Variants in MS4A18 observed in about 807,000 individuals in gnomAD.
MS4A18 encodes membrane spanning 4-domains A18.
Under a neutral mutation model 13.1 loss-of-function variants are expected in MS4A18, and 27 were observed. The ratio of observed to expected loss-of-function variants is 2.06; its 90% CI spans 1.52 to 2.84. The LOEUF (loss-of-function observed/expected upper bound fraction) is 2.84. Among genes scored for constraint, MS4A18 ranks in the 30% most tolerant of loss-of-function variants. The probability of loss-of-function intolerance (pLI) is 0.00; values close to 1 mark genes in which losing one functional copy is unlikely to be tolerated. For missense variants in MS4A18, 307 were observed against 196.4 expected, an observed-to-expected ratio of 1.56 and a Z score of -3.37; for synonymous variants, 126 against 76.5, an observed-to-expected ratio of 1.65 and a Z score of -3.38.
exon 2 of MS4A18, chr11:60,733,591 T>C (rs1184061755): frequency 1.4e-6 from 1 of 703,608 alleles, no homozygotes; most frequent in African/African-American, 1.7e-5. Flanking sequence ...CCCTGTGCTG[T>C]ATTACTATCC....
chr11:60,728,680 C>A (rs997584698), upstream of MS4A18, among the ~76,000 whole-genome samples: 1 of 151,806 alleles, frequency 6.6e-6, no homozygotes, highest in African/African-American at 2.4e-5. Context: ...CCTTCCCTCT[C>A]GCTCTCTCTT....
At chr11:60,743,677 A>G (rs1188381107) in exon 6 of MS4A18, 1 of 702,980 alleles carries the variant, frequency 1.4e-6, no homozygotes, top group Admixed American at 2.0e-5. Flanking sequence ...AACCGTATTC[A>G]GTTTCAACCC....
intron 4 of MS4A18, among the ~76,000 whole-genome samples, chr11:60,740,486 C>A (rs1853399193): frequency 2.0e-5 from 3 of 152,182 alleles, no homozygotes; most frequent in Admixed American, 2.0e-4. Context: ...AAGCCAGGAG[C>A]CAGACAGAGC....
chr11:60,739,623 G>A (rs1440168882), intron 4 of MS4A18, among the ~76,000 whole-genome samples: 2 of 152,140 alleles, frequency 1.3e-5, no homozygotes, highest in Non-Finnish European at 2.9e-5. Context: ...TGGAGTGAGG[G>A]TGTATTTATC....
upstream of MS4A18, among the ~76,000 whole-genome samples, chr11:60,729,029 G>A (rs1853209136): frequency 6.6e-6 from 1 of 152,168 alleles, no homozygotes; most frequent in African/African-American, 2.4e-5. Context: ...AGATTAAAAT[G>A]CCAACTGCAG....
At chr11:60,735,780 C>T (rs1450461377) in intron 2 of MS4A18, among the ~76,000 whole-genome samples, 1 of 150,278 alleles carries the variant, frequency 6.7e-6, no homozygotes, top group Non-Finnish European at 1.5e-5. Context: ...TGTCCTGCCT[C>T]AGCCTCCTGA....
Position 60,743,925 on chromosome 11 carries a change from A to G in MS4A18, c.1134A>G (p.Lys378=), listed in dbSNP as rs762496274. The G allele has an allele frequency of 3.0e-4, 208 of 703,038 alleles. No homozygotes were observed. The African/African-American group carries it at 3.0e-3, about 10-fold the overall frequency. 43.5% of individuals were successfully genotyped at this position (703,038 alleles called of 1,614,324 possible). Residue 378 remains lysine, a synonymous_variant, in exon 6 of 6, where the codon AAA becomes AAG. Transcript: ENST00000529108. ...TTAACACTACCACTGCCCCTGCCAA[A>G]GCTACCACCAGTTGTGTCAATGCTA...
In MS4A18 at chr11:60,743,326, G is replaced by C. The variant is rs183700695; in HGVS notation, c.859-324G>C. On this transcript the variant is annotated intron_variant, in intron 5 of 5. Transcript: ENST00000529108. The stretch of plus-strand genomic sequence containing the variant: ...CCTGGTGGCTGGATAGTATTGGGCA[G>C]TCCCACATGGGTGTCTGGCTCTTTG... Among the ~76,000 whole-genome samples the C allele has an allele frequency of 7.2e-5, 11 of 152,364 alleles. No individual in the cohort carries two copies. In the East Asian group the frequency reaches 1.7e-3, roughly 24 times the overall value.
chr11:60,726,717 C>CCTTTATTTTA (rs1853166090), upstream of MS4A18, among the ~76,000 whole-genome samples: 1 of 124,910 alleles, frequency 8.0e-6, no homozygotes, highest in African/African-American at 3.1e-5. Flanking sequence ...TGGGGTAACA[C>CCTTTATTTTA]TTTTATTTTA....
chr11:60,740,202 C>T (rs1317006176), intron 4 of MS4A18, among the ~76,000 whole-genome samples: 1 of 152,202 alleles, frequency 6.6e-6, no homozygotes, highest in Non-Finnish European at 1.5e-5. Flanking sequence ...CATACTAGTG[C>T]AGTGTAGCAC....
exon 1 of MS4A18, chr11:60,729,672 T>G (rs117250730): frequency 0.025 from 17,269 of 702,734 alleles, 306 homozygotes; most frequent in Middle Eastern, 0.038. Flanking sequence ...ATCCTCTGAA[T>G]GCTAACCCTG....
At chr11:60,725,414 T>G (rs1853140403), upstream of MS4A18, among the ~76,000 whole-genome samples, 1 of 152,168 alleles carries the variant, frequency 6.6e-6, no homozygotes, top group African/African-American at 2.4e-5. Flanking sequence ...CAGGATGGTC[T>G]CGATCTCCTG....
intron 1 of MS4A18, 29 bp downstream of exon 2, chr11:60,729,815 T>C: frequency 1.5e-6 from 1 of 672,158 alleles, no homozygotes; most frequent in Non-Finnish European, 2.7e-6. Flanking sequence ...TCTCTCCGAT[T>C]TGGGTCACTT....
downstream of MS4A18, chr11:60,744,265 G>A: frequency 2.5e-6 from 1 of 405,316 alleles, no homozygotes; most frequent in Non-Finnish European, 4.5e-6. Flanking sequence ...TTGGTTCCGT[G>A]GTTCCTGATG....
chr11:60,738,220 G>A (rs1291747806), intron 3 of MS4A18, among the ~76,000 whole-genome samples: 1 of 152,170 alleles, frequency 6.6e-6, no homozygotes, highest in Non-Finnish European at 1.5e-5. Flanking sequence ...TTGAGTAGGG[G>A]ATGGATAATG....
In MS4A18 at chr11:60,733,659, G is replaced by A. The variant is rs748915588; in HGVS notation, c.591+12G>A. ...GGGGAGGATTATCCGTGAGTACAAG[G>A]CCATATGGTCTCCTTCCTGGGTCAC... On this transcript the variant is annotated intron_variant, in intron 2 of 5. Coordinates refer to ENST00000529108, the Ensembl canonical transcript of MS4A18. 3 of 703,412 alleles carry A rather than the reference G, an allele frequency of 4.3e-6. No homozygotes were observed. In the Admixed American group the frequency reaches 6.0e-5, roughly 14 times the overall value. The allele number at this position is 703,412 out of a possible 1,614,324, so 43.6% of individuals were successfully genotyped here. A position where few individuals can be genotyped will look rare whatever the true frequency, so the allele number is the denominator to read the frequency against.
At chr11:60,729,810 C>G (rs1228602322) in intron 1 of MS4A18, 24 bp downstream of exon 2, 1 of 674,806 alleles carries the variant, frequency 1.5e-6, no homozygotes. Flanking sequence ...CTCCTTCTCT[C>G]CGATTTGGGT....
chr11:60,728,404 ATG>A (rs150038728), upstream of MS4A18, among the ~76,000 whole-genome samples: 21,846 of 143,258 alleles, frequency 0.15, 1,526 homozygotes, highest in East Asian at 0.18. Context: ...GTGTGTATGT[ATG>A]TGTGTGTGTG....
chr11:60,744,216 C>T (rs1853453856), downstream of MS4A18: 9 of 537,480 alleles, frequency 1.7e-5, no homozygotes, highest in Admixed American at 2.7e-4. Context: ...TCCTTTGGCT[C>T]TCAGTATCTT....
Sources: allele counts gnomAD v4.1 joint callset (sites outside exome capture counted in the v4.1 genomes callset), GRCh38; gene constraint gnomAD v4.1.1; transcripts MANE v1.5; gene names NCBI Gene and HGNC (gene_info 2026-07-23, HGNC 2026-07-21).